The following DPP6 variants were observed in gnomAD, a reference collection of about 807,000 sequenced individuals.
DPP6 encodes dipeptidyl peptidase like 6.
DPP6 carries 69 observed loss-of-function variants against 122.6 expected under a neutral mutation model. The observed-to-expected ratio is 0.56, with a 90% CI of 0.46 to 0.69. The LOEUF is 0.69. Among genes scored for constraint, DPP6 ranks in the 30% least tolerant of loss-of-function variants. DPP6 has a pLI of 0.00. For missense variants in DPP6, 928 were observed against 1,116.9 expected, an observed-to-expected ratio of 0.83 and a Z score of 2.41; for synonymous variants, 418 against 433.1, an observed-to-expected ratio of 0.97 and a Z score of 0.43.
At chr7:154,469,729 C>A (rs1822098757) in intron 2 of DPP6, among the ~76,000 whole-genome samples, 1 of 152,176 alleles carries the variant, frequency 6.6e-6, no homozygotes, top group Non-Finnish European at 1.5e-5. Flanking sequence ...ATGGATTCTA[C>A]CTCTTTTACT....
rs374450077 is a variant in DPP6 at position 154,769,497 on chromosome 7, C to T, written c.964C>T (p.Arg322Cys). ...CGCCTACGCCGCCATCAATGATTCCCGTGTCCCCATCATGGAGCTCCCAAC... is the reference window on the plus strand; with the variant it reads ...CGCCTACGCCGCCATCAATGATTCCTGTGTCCCCATCATGGAGCTCCCAAC... ...RLAYAAINDS[R>C]VPIMELPTYT... Residue 322 changes from arginine to cysteine, a missense_variant, in exon 9 of 26, where the codon CGT (arginine) becomes TGT (cysteine). Coordinates refer to ENST00000377770, the MANE Select transcript of DPP6 (RefSeq NM_130797.4). 5.8e-5 allele frequency: 94 copies of T among 1,613,718 alleles called. No homozygotes were observed. The African/African-American group carries it at 6.7e-4, about 11-fold the overall frequency.
chr7:154,211,639 C>T (rs1444053591), intron 1 of DPP6, among the ~76,000 whole-genome samples: 1 of 152,118 alleles, frequency 6.6e-6, no homozygotes, highest in Admixed American at 6.5e-5. Context: ...CAGATAATCC[C>T]AGGGCCCAAT....
At chr7:154,586,449 A>G (rs1832455847) in intron 5 of DPP6, among the ~76,000 whole-genome samples, 1 of 152,036 alleles carries the variant, frequency 6.6e-6, no homozygotes, top group Non-Finnish European at 1.5e-5. Flanking sequence ...CCCATAGATG[A>G]GGGAGAAATT....
intron 1 of DPP6, among the ~76,000 whole-genome samples, chr7:154,032,968 G>C (rs1488552793): frequency 6.6e-6 from 1 of 151,294 alleles, no homozygotes; most frequent in Non-Finnish European, 1.5e-5. Context: ...TGCCTTTGAA[G>C]GTGGCTTTAT....
At chr7:154,657,126 G>A (rs1306946593) in intron 6 of DPP6, among the ~76,000 whole-genome samples, 3 of 86 alleles carry the variant, frequency 0.035, no homozygotes, top group Admixed American at 0.5. Context: ...AGGTGCTCAT[G>A]GGTGGGTGGA....
rs1301724493 is a variant in DPP6 at position 154,821,685 on chromosome 7, C to CAT, written c.1666+14583_1666+14584dup. Among the ~76,000 whole-genome samples, 5 of 138,856 alleles carry CAT rather than the reference C, an allele frequency of 3.6e-5. No homozygotes were observed. Among genetic ancestry groups the CAT allele is most frequent in the Non-Finnish European group, 6.1e-5 (4 of 65,064 alleles). The allele number at this position is 138,856 out of a possible 152,430, so 91.1% of individuals were successfully genotyped here. On this transcript the variant is annotated intron_variant, in intron 16 of 25. Coordinates refer to ENST00000377770, the MANE Select transcript of DPP6 (RefSeq NM_130797.4). The surrounding 1 kb of genome is among the most constrained non-coding windows in gnomAD (Gnocchi z 4.2). ...ATATACACATATATATATACACACA[C>CAT]ATATATATATACACACACACATATA...
chr7:154,244,448 T>C (rs1339527611), intron 1 of DPP6, among the ~76,000 whole-genome samples: 1 of 152,104 alleles, frequency 6.6e-6, no homozygotes, highest in Admixed American at 6.5e-5. Context: ...CAGTATGACA[T>C]GAAGGATACC....
intron 1 of DPP6, among the ~76,000 whole-genome samples, chr7:154,013,025 C>T (rs1294768031): frequency 1.3e-5 from 2 of 152,174 alleles, no homozygotes; most frequent in African/African-American, 4.8e-5. Flanking sequence ...GCCTCTTTCA[C>T]AGGCTCACTC....
At chr7:153,810,589 AATG>A in the DPP6 span, among the ~76,000 whole-genome samples, 2 of 151,634 alleles carry the variant, frequency 1.3e-5, no homozygotes. Flanking sequence ...ATTTAAATTG[AATG>A]ATATTTTTCT....
At chr7:154,452,247 C>T (rs1288324178) in intron 2 of DPP6, among the ~76,000 whole-genome samples, 2 of 152,216 alleles carry the variant, frequency 1.3e-5, no homozygotes, top group African/African-American at 4.8e-5. Context: ...GAGAATTCCA[C>T]AGTAGTGTTA....
intron 1 of DPP6, among the ~76,000 whole-genome samples, chr7:154,042,574 T>A (rs1799818960): frequency 6.6e-6 from 1 of 152,172 alleles, no homozygotes; most frequent in South Asian, 2.1e-4. Flanking sequence ...AACTCTTCCG[T>A]CATGCCAAGA....
chr7:154,350,296 A>G (rs976249022), intron 1 of DPP6, among the ~76,000 whole-genome samples: 6 of 152,138 alleles, frequency 3.9e-5, no homozygotes. Flanking sequence ...TTTCAGTGAC[A>G]TGGGGAGGAA....
the DPP6 span, among the ~76,000 whole-genome samples, chr7:153,821,254 T>G: frequency 2.6e-5 from 4 of 151,688 alleles, no homozygotes; most frequent in Admixed American, 2.6e-4. Context: ...TTCATAACTT[T>G]TATTATTACA....
At chr7:154,270,211 A>G (rs1480547712) in intron 1 of DPP6, among the ~76,000 whole-genome samples, 1 of 152,172 alleles carries the variant, frequency 6.6e-6, no homozygotes, top group Non-Finnish European at 1.5e-5. Context: ...AATCGTGGTT[A>G]TTGAGTTAAA....
chr7:154,630,283 C>G (rs1412451917), intron 5 of DPP6, among the ~76,000 whole-genome samples: 1 of 152,268 alleles, frequency 6.6e-6, no homozygotes, highest in Middle Eastern at 3.4e-3. Flanking sequence ...GAGGGGAGCA[C>G]AGGCAGGCCA....
intron 1 of DPP6, among the ~76,000 whole-genome samples, chr7:154,113,412 T>TATATACACACACAC (rs1472172445): frequency 1.6e-4 from 23 of 141,838 alleles, no homozygotes; most frequent in African/African-American, 5.7e-4. Context: ...TATATATATA[T>TATATACACACACAC]ACACACACAC....
chr7:154,220,281 A>C (rs1226096925), intron 1 of DPP6, among the ~76,000 whole-genome samples: 1 of 152,138 alleles, frequency 6.6e-6, no homozygotes, highest in African/African-American at 2.4e-5. Flanking sequence ...TCCTTCTGTC[A>C]TGTGAGGACA....
intron 8 of DPP6, among the ~76,000 whole-genome samples, chr7:154,729,940 A>T (rs1842254064): frequency 6.6e-6 from 1 of 152,184 alleles, no homozygotes; most frequent in Admixed American, 6.5e-5. Flanking sequence ...AGCCCTAGAA[A>T]TGGTGTGCCC....
intron 3 of DPP6, among the ~76,000 whole-genome samples, chr7:154,538,359 C>T (rs1173715119): frequency 6.6e-6 from 1 of 152,156 alleles, no homozygotes; most frequent in African/African-American, 2.4e-5. Flanking sequence ...TTAAGCCCTG[C>T]ATGCATTAGC....
Sources: allele counts gnomAD v4.1 joint callset (sites outside exome capture counted in the v4.1 genomes callset), GRCh38; gene constraint gnomAD v4.1.1; non-coding constraint Gnocchi (gnomAD v3.1); transcripts MANE v1.5; gene names NCBI Gene and HGNC (gene_info 2026-07-23, HGNC 2026-07-21).